GK: variants seen among roughly 807,000 people sequenced by gnomAD.
GK encodes the protein glycerol kinase, also known as ATP:glycerol 3-phosphotransferase.
GK carries 9 observed loss-of-function variants against 56.4 expected under a neutral mutation model. That is an observed-to-expected ratio of 0.16 (90% CI 0.10 to 0.28). GK has a LOEUF of 0.28. Among genes scored for constraint, GK ranks in the 10% least tolerant of loss-of-function variants. The pLI is 1.00. For synonymous variants in GK, 104 were observed against 144.1 expected (o/e 0.72, Z 1.99); for missense variants, 161 against 431.4 (o/e 0.37, Z 5.55).
chrX:30,664,020 C>A (rs12007087), intron 1 of GK, among the ~76,000 whole-genome samples: 2 of 83,381 alleles, frequency 2.4e-5, no homozygotes, highest in African/African-American at 4.6e-5. Flanking sequence ...TTATATATAT[C>A]TATATATATT....
At chrX:30,695,804 A>G (rs1935209293) in intron 6 of GK, among the ~76,000 whole-genome samples, 1 of 112,666 alleles carries the variant, frequency 8.9e-6, no homozygotes, top group Non-Finnish European at 1.9e-5. Context: ...AATTGTGCTG[A>G]TAAGGTGGCC....
intron 9 of GK, among the ~76,000 whole-genome samples, chrX:30,699,289 TTATACATAAC>T (rs1935490334): frequency 2.0e-5 from 2 of 100,570 alleles, no homozygotes; most frequent in Admixed American, 2.2e-4. Flanking sequence ...ATACAACATG[TTATACATAAC>T]ATGTATATAT....
intron 5 of GK, 43 bp from the exon 6 acceptor site, chrX:30,694,357 G>GT: frequency 8.6e-7 from 1 of 1,162,171 alleles, no homozygotes; most frequent in Non-Finnish European, 1.2e-6. Flanking sequence ...GTTTTAAACT[G>GT]TTACACTTTT....
At chrX:30,713,550 G>A (rs1314273461) in intron 13 of GK, among the ~76,000 whole-genome samples, 2 of 110,793 alleles carry the variant, frequency 1.8e-5, no homozygotes, top group Non-Finnish European at 3.8e-5. Context: ...TTCTCTCCCT[G>A]AAGCCCCTGG....
At chrX:30,705,962 C>T (rs1371376078) in intron 11 of GK, among the ~76,000 whole-genome samples, 1 of 112,081 alleles carries the variant, frequency 8.9e-6, no homozygotes, top group Non-Finnish European at 1.9e-5. Context: ...ACAGATTTCT[C>T]CTTTAAAAAG....
chrX:30,691,468 C>CTTTT (rs144523573), intron 5 of GK, among the ~76,000 whole-genome samples: 5 of 72,624 alleles, frequency 6.9e-5, no homozygotes, highest in Admixed American at 1.6e-4. Context: ...CCAAGGGGTG[C>CTTTT]TTTTTTTTTT....
chrX:30,664,823 C>A (rs1347721820), intron 1 of GK, among the ~76,000 whole-genome samples: 1 of 105,988 alleles, frequency 9.4e-6, no homozygotes, highest in Admixed American at 1.0e-4. Flanking sequence ...CCTGTCTCAG[C>A]CTCCTGAGTA....
intron 13 of GK, among the ~76,000 whole-genome samples, chrX:30,717,459 C>T (rs1018141513): frequency 9.0e-6 from 1 of 110,782 alleles, no homozygotes; most frequent in South Asian, 3.8e-4. Context: ...ATTGTCACCA[C>T]CCCAAAAAGA....
In GK at chrX:30,675,161, T is replaced by C. The variant is rs147086119; in HGVS notation, c.260-2214T>C. On this transcript the variant is annotated intron_variant, in intron 3 of 20. Coordinates refer to ENST00000427190, the MANE Select transcript of GK (RefSeq NM_001205019.2). Reference sequence around the variant, plus strand: ...TTATTCTATATATCTCCAAAGAATATGACTAAGATCGGGAGGTGGAAGCTA... The same window carrying C: ...TTATTCTATATATCTCCAAAGAATACGACTAAGATCGGGAGGTGGAAGCTA... Among the ~76,000 whole-genome samples, 393 of 110,823 alleles carry C rather than the reference T, an allele frequency of 3.5e-3. 1 individual carries two copies. The highest frequency in any genetic ancestry group is 9.2e-3 in the African/African-American group (282 of 30,533).
intron 5 of GK, 45 bp downstream of exon 5, chrX:30,691,244 TA>T (rs780245923): frequency 6.6e-6 from 5 of 756,180 alleles, no homozygotes; most frequent in Non-Finnish European, 1.0e-5. Flanking sequence ...TTTCTTTTTT[TA>T]AAAAAAGTTT....
chrX:30,684,744 A>G (rs927964055), intron 4 of GK, among the ~76,000 whole-genome samples: 2 of 107,668 alleles, frequency 1.9e-5, no homozygotes, highest in Non-Finnish European at 3.8e-5. Context: ...CTGGCTTAAC[A>G]CTTTTAGGAT....
At chrX:30,720,384 A>C (rs759885987) in intron 16 of GK, among the ~76,000 whole-genome samples, 62 of 111,572 alleles carry the variant, frequency 5.6e-4, no homozygotes, top group African/African-American at 2.0e-3. Context: ...GCAGAAAAAC[A>C]GGGTGCAAAA....
chrX:30,709,225 T>C (rs1448640749), intron 13 of GK, among the ~76,000 whole-genome samples: 5 of 111,975 alleles, frequency 4.5e-5, no homozygotes, highest in Non-Finnish European at 7.5e-5. Flanking sequence ...GCTTTTTTTC[T>C]TCTTGCATGG....
chrX:30,704,243 C>G lies in GK; in HGVS notation c.852-3313C>G, dbSNP rs148930503. On this transcript the variant is annotated intron_variant, in intron 11 of 20. Coordinates refer to ENST00000427190, the MANE Select transcript of GK (RefSeq NM_001205019.2). Reference sequence around the variant, plus strand: ...ACCTCCTGGGCTCAAGTGATCCTCCCCTCTCAGCCTCCTGAGTAGCTGATA... The same window carrying G: ...ACCTCCTGGGCTCAAGTGATCCTCCGCTCTCAGCCTCCTGAGTAGCTGATA... Among the ~76,000 whole-genome samples, 254 of 103,769 alleles carry G rather than the reference C, an allele frequency of 2.4e-3. 1 individual carries two copies. The highest frequency in any genetic ancestry group is 8.7e-3 in the African/African-American group (238 of 27,365). The allele number at this position is 103,769 out of a possible 115,157, so 90.1% of individuals were successfully genotyped here.
In GK at chrX:30,721,007, G is replaced by T; in HGVS notation, c.1501+12G>T. ...GATTAATGCGGAGGGTACATTTAAA[G>T]AATGAAATGTTCAGTGATATACTGT... On this transcript the variant is annotated intron_variant, in intron 18 of 20. Transcript: ENST00000427190. The T allele has an allele frequency of 1.7e-6, 2 of 1,202,146 alleles. No individual in the cohort carries two copies. Among genetic ancestry groups the T allele is most frequent in the Non-Finnish European group, 2.3e-6 (2 of 886,967 alleles).
At chrX:30,725,524 C>T (rs1320118310) in intron 19 of GK, among the ~76,000 whole-genome samples, 1 of 112,323 alleles carries the variant, frequency 8.9e-6, no homozygotes, top group East Asian at 2.8e-4. Context: ...ATATAACAGA[C>T]GTAAGCCTTG....
At chrX:30,678,775 C>T (rs1385012824) in intron 4 of GK, among the ~76,000 whole-genome samples, 2 of 104,419 alleles carry the variant, frequency 1.9e-5, no homozygotes, top group African/African-American at 3.5e-5. Context: ...CAACCTCCAC[C>T]TCCTGGGTTC....
intron 4 of GK, among the ~76,000 whole-genome samples, chrX:30,682,013 A>G (rs1312993006): frequency 8.9e-6 from 1 of 111,856 alleles, no homozygotes; most frequent in Admixed American, 9.5e-5. Context: ...TAATTTATAA[A>G]CAACAAAAAT....
intron 18 of GK, among the ~76,000 whole-genome samples, chrX:30,723,396 A>G (rs1258010738): frequency 9.4e-6 from 1 of 106,767 alleles, no homozygotes; most frequent in Non-Finnish European, 1.9e-5. Flanking sequence ...CTCAGTCTCA[A>G]AAAAAAAAAA....
Sources: gnomAD v4.1 joint callset for allele counts (sites outside exome capture counted in the v4.1 genomes callset) on GRCh38, gnomAD v4.1.1 for gene constraint, MANE v1.5 for transcripts, NCBI Gene and HGNC (gene_info 2026-07-23, HGNC 2026-07-21) for gene names.